ODR4: variants seen among roughly 807,000 people sequenced by gnomAD.
ODR4 encodes odr-4 GPCR localization factor homolog.
A neutral mutation model predicts 60.2 loss-of-function variants in ODR4; 47 were observed. The observed-to-expected ratio is 0.78, with a 90% CI of 0.62 to 1.00. The LOEUF (loss-of-function observed/expected upper bound fraction) is 1.00. Ranked by LOEUF, ODR4 falls within the 50% of genes least tolerant of loss-of-function variation. The probability of loss-of-function intolerance (pLI) is 0.00; values close to 1 mark genes in which losing one functional copy is unlikely to be tolerated. For synonymous variants in ODR4, 178 were observed against 175.5 expected (o/e 1.01, Z -0.11); for missense variants, 488 against 530.8 (o/e 0.92, Z 0.79).
chr1:186,414,304 G>A (rs1239618894), intron 12 of ODR4, among the ~76,000 whole-genome samples: 1 of 152,006 alleles, frequency 6.6e-6, no homozygotes, highest in Admixed American at 6.6e-5. Context: ...TTTGCTCAGA[G>A]TACGATCTTC....
At chr1:186,428,423 G>A in the ODR4 span, among the ~76,000 whole-genome samples, 1 of 152,194 alleles carries the variant, frequency 6.6e-6, no homozygotes, top group Non-Finnish European at 1.5e-5. Context: ...ATTGAAGAGA[G>A]TTAGGGCCTT....
At chr1:186,384,675 T>C (rs903965524) in intron 3 of ODR4, among the ~76,000 whole-genome samples, 1 of 152,078 alleles carries the variant, frequency 6.6e-6, no homozygotes, top group African/African-American at 2.4e-5. Flanking sequence ...TTAATTTTAC[T>C]TTTTCCCCTT....
At chr1:186,379,471 G>C (rs78247350) in intron 1 of ODR4, among the ~76,000 whole-genome samples, 6,621 of 138,934 alleles carry the variant, frequency 0.048, 485 homozygotes, top group African/African-American at 0.16. Flanking sequence ...AAAGAAATCT[G>C]GTGTGTTGCT....
At chr1:186,399,457 CTT>C (rs1660836893) in intron 11 of ODR4, among the ~76,000 whole-genome samples, 1 of 152,174 alleles carries the variant, frequency 6.6e-6, no homozygotes, top group Admixed American at 6.5e-5. Context: ...GATCCACTGT[CTT>C]TGGCTTCCCG....
At chr1:186,378,471 ATCTT>A (rs1238469151) in intron 1 of ODR4, among the ~76,000 whole-genome samples, 1 of 152,224 alleles carries the variant, frequency 6.6e-6, no homozygotes, top group Non-Finnish European at 1.5e-5. Flanking sequence ...TTTATTCAAT[ATCTT>A]TGGTTTTAAG....
At chr1:186,378,654 C>T (rs1370333349) in intron 1 of ODR4, among the ~76,000 whole-genome samples, 1 of 152,160 alleles carries the variant, frequency 6.6e-6, no homozygotes, top group African/African-American at 2.4e-5. Flanking sequence ...AACATGGATT[C>T]TAGAGCCAGA....
chr1:186,426,689 C>T, the ODR4 span, among the ~76,000 whole-genome samples: 2 of 152,044 alleles, frequency 1.3e-5, no homozygotes, highest in East Asian at 3.9e-4. Context: ...GTGGCATATG[C>T]TTGTAGAGAG....
At chr1:186,407,538 T>C (rs531467454) in intron 12 of ODR4, among the ~76,000 whole-genome samples, 1 of 152,282 alleles carries the variant, frequency 6.6e-6, no homozygotes, top group Non-Finnish European at 1.5e-5. Context: ...TGACCTAATT[T>C]AACCTCTTAA....
Position 186,417,123 on chromosome 1 carries a change from C to T in ODR4, c.1187-421C>T, listed in dbSNP as rs371628899. Among the ~76,000 whole-genome samples, 30 of 151,652 alleles carry T rather than the reference C, an allele frequency of 2.0e-4. No individual in the cohort carries two copies. In the South Asian group the frequency reaches 5.6e-3, roughly 28 times the overall value. On this transcript the variant is annotated intron_variant, in intron 12 of 13. Transcript: ENST00000287859. Reference sequence around the variant, plus strand: ...GACTACAGGTGCACACCACCATGCCCGTCTAATTTTTTGTATTTTAGTAGA... The same window carrying T: ...GACTACAGGTGCACACCACCATGCCTGTCTAATTTTTTGTATTTTAGTAGA...
intron 11 of ODR4, among the ~76,000 whole-genome samples, chr1:186,405,481 T>C (rs910924201): frequency 6.6e-6 from 1 of 152,242 alleles, no homozygotes; most frequent in African/African-American, 2.4e-5. Flanking sequence ...TTGAGTGTTC[T>C]TCATAGGACA....
chr1:186,383,767 T>A (rs562560995), intron 3 of ODR4, among the ~76,000 whole-genome samples: 36 of 145,252 alleles, frequency 2.5e-4, no homozygotes, highest in Admixed American at 4.2e-4. Context: ...AAAAAAAAAA[T>A]AAAATCTTGC....
At chr1:186,381,744 C>T (rs761892163) in intron 2 of ODR4, among the ~76,000 whole-genome samples, 2 of 152,150 alleles carry the variant, frequency 1.3e-5, no homozygotes, top group Non-Finnish European at 2.9e-5. Flanking sequence ...TTTTTCCTCT[C>T]CTTCCTCTTA....
At chr1:186,388,620 ATTTAT>A in intron 5 of ODR4, 72 bp downstream of exon 5, 3 of 849,432 alleles carry the variant, frequency 3.5e-6, no homozygotes, top group Non-Finnish European at 5.2e-6. Flanking sequence ...TTTTTTTGCT[ATTTAT>A]TTAAATCATC....
chr1:186,425,255 C>T (rs560677060), downstream of ODR4, among the ~76,000 whole-genome samples: 33 of 152,226 alleles, frequency 2.2e-4, no homozygotes, highest in African/African-American at 7.7e-4. Context: ...ATGTGTGAAA[C>T]TAAAGACAAG....
chr1:186,380,490 T>C (rs1339104928), intron 2 of ODR4, among the ~76,000 whole-genome samples: 2 of 151,724 alleles, frequency 1.3e-5, no homozygotes, highest in Admixed American at 6.6e-5. Context: ...TTCAGATACT[T>C]ATTTTAAAAC....
At position 186,375,881 on chromosome 1, in the gene ODR4, C is replaced by T. The variant is rs1285180; in HGVS notation, c.-113C>T. On this transcript the variant is annotated 5_prime_UTR_variant, in exon 1 of 14. Coordinates refer to ENST00000287859, the MANE Select transcript of ODR4 (RefSeq NM_017847.6). ...GAATTGAGACCGGAGGGAATCTGGC[C>T]CCTAGAGGCTGGTACTTGGGCCCGA... 1.9e-3 allele frequency: 416 copies of T among 216,324 alleles called. 1 individual carries two copies. Among genetic ancestry groups the T allele is most frequent in the African/African-American group, 9.0e-3 (401 of 44,540 alleles). The allele number at this position is 216,324 out of a possible 1,614,324, so 13.4% of individuals were successfully genotyped here.
Position 186,418,185 on chromosome 1 carries a change from T to C in ODR4, c.1297+531T>C, listed in dbSNP as rs1046104900. On this transcript the variant is annotated intron_variant, in intron 13 of 13. Transcript: ENST00000287859. ...ACTGAGAGTTAGGAGCCAGAAGATTTAATTGTAGTTCTTGTCATTCATTAG... is the reference window on the plus strand; with the variant it reads ...ACTGAGAGTTAGGAGCCAGAAGATTCAATTGTAGTTCTTGTCATTCATTAG... Among the ~76,000 whole-genome samples the C allele has an allele frequency of 7.9e-5, 12 of 152,184 alleles. No individual in the cohort carries two copies. The South Asian group carries it at 1.4e-3, about 18-fold the overall frequency.
intron 12 of ODR4, among the ~76,000 whole-genome samples, chr1:186,413,486 G>A (rs1475459515): frequency 2.0e-5 from 3 of 152,112 alleles, no homozygotes; most frequent in Non-Finnish European, 4.4e-5. Context: ...CTCGCTTGAG[G>A]TGAGGGATAA....
chr1:186,395,032 A>C (rs1660616008), intron 9 of ODR4, among the ~76,000 whole-genome samples: 1 of 152,212 alleles, frequency 6.6e-6, no homozygotes, highest in African/African-American at 2.4e-5. Flanking sequence ...GGAGATGTAT[A>C]GAGTGTGGGA....
Sources: allele counts gnomAD v4.1 joint callset (sites outside exome capture counted in the v4.1 genomes callset), GRCh38; gene constraint gnomAD v4.1.1; transcripts MANE v1.5; gene names NCBI Gene and HGNC (gene_info 2026-07-23, HGNC 2026-07-21).